Variants in ANO4 observed in about 807,000 individuals in gnomAD.
ANO4 encodes the protein anoctamin-4.
In ANO4, 69 loss-of-function variants were observed where a neutral mutation model predicts 141.9. The observed-to-expected ratio is 0.49, with a 90% CI of 0.40 to 0.59. The LOEUF is 0.59. Ranked by LOEUF, ANO4 falls within the 20% of genes least tolerant of loss-of-function variation. The pLI, the probability that ANO4 is intolerant of heterozygous loss-of-function variation, is 0.00. For synonymous variants in ANO4, 350 were observed against 394.3 expected (o/e 0.89, Z 1.33); for missense variants, 894 against 1,162.2 (o/e 0.77, Z 3.36).
chr12:100,977,035 A>G (rs11110610), intron 7 of ANO4, among the ~76,000 whole-genome samples: 70,147 of 151,920 alleles, frequency 0.46, 16,799 homozygotes, highest in East Asian at 0.64. Context: ...CTCTGAGCCT[A>G]AGTTTTTCAC....
chr12:100,927,293 T>C (rs1233577645), intron 3 of ANO4, among the ~76,000 whole-genome samples: 3 of 152,078 alleles, frequency 2.0e-5, no homozygotes, highest in African/African-American at 7.2e-5. Context: ...AACTTGCAGA[T>C]AGATTTAGTT....
chr12:101,003,964 C>T (rs1043778428), intron 8 of ANO4, among the ~76,000 whole-genome samples: 3 of 151,892 alleles, frequency 2.0e-5, no homozygotes, highest in African/African-American at 7.3e-5. Flanking sequence ...TATCTTTATA[C>T]TTGGGTGATA....
chr12:100,866,457 C>T (rs2038758590), intron 1 of ANO4, among the ~76,000 whole-genome samples: 1 of 152,140 alleles, frequency 6.6e-6, no homozygotes, highest in Non-Finnish European at 1.5e-5. Flanking sequence ...ATCTCAGTGC[C>T]ACCCCTGCCC....
intron 9 of ANO4, among the ~76,000 whole-genome samples, chr12:101,023,308 G>C (rs2046606172): frequency 1.3e-5 from 2 of 152,238 alleles, no homozygotes; most frequent in South Asian, 4.1e-4. Context: ...AGTCAGAAAG[G>C]GTCTTTATAA....
At chr12:100,900,430 T>A (rs1397019845) in intron 1 of ANO4, among the ~76,000 whole-genome samples, 2 of 151,980 alleles carry the variant, frequency 1.3e-5, no homozygotes, top group African/African-American at 4.8e-5. Context: ...ATTAGGTATC[T>A]CCTAATGCTA....
rs1160577836 is a variant in ANO4, at chr12:101,127,050, C to T, written c.2848C>T (p.His950Tyr). The T allele has an allele frequency of 4.3e-6, 7 of 1,613,564 alleles. No individual in the cohort carries two copies. The East Asian group carries it at 1.6e-4, about 36-fold the overall frequency. The change falls in exon 27 of 28, where the codon CAC becomes TAC. Residue 950 changes from histidine (H) to tyrosine (Y), a missense_variant. Coordinates refer to ENST00000392977, the MANE Select transcript of ANO4 (RefSeq NM_001286615.2). ...RKERKKNGKA[H>Y]HNEWP ...GGAGAGGAAGAAGAATGGAAAAGCA[C>T]ACCACAACGAGTGGCCGTGACCATG...
chr12:100,877,331 A>G (rs906197899), intron 1 of ANO4, among the ~76,000 whole-genome samples: 2 of 151,558 alleles, frequency 1.3e-5, no homozygotes, highest in Non-Finnish European at 2.9e-5. Context: ...AATTAGCTTG[A>G]TTTAATCATT....
intron 1 of ANO4, among the ~76,000 whole-genome samples, chr12:100,814,538 A>G (rs962483433): frequency 1.3e-5 from 2 of 152,080 alleles, no homozygotes; most frequent in African/African-American, 4.8e-5. Context: ...TTAAAAAACC[A>G]CTCTGATGTT....
chr12:100,986,604 T>C (rs2044720145), intron 7 of ANO4, among the ~76,000 whole-genome samples: 1 of 152,214 alleles, frequency 6.6e-6, no homozygotes, highest in Admixed American at 6.5e-5. Context: ...CATTGCCATG[T>C]AAATATATTG....
intron 1 of ANO4, among the ~76,000 whole-genome samples, chr12:100,817,617 G>T (rs1210637293): frequency 6.6e-6 from 1 of 151,902 alleles, no homozygotes; most frequent in Non-Finnish European, 1.5e-5. Flanking sequence ...TTGTTCAGTT[G>T]TTGGATTCCA....
At position 100,765,690 on chromosome 12, in the gene ANO4, C is replaced by CAA. The variant is rs749550498; in HGVS notation, c.358+25598_358+25599dup. Among the ~76,000 whole-genome samples the CAA allele has an allele frequency of 7.1e-3, 852 of 119,874 alleles. 8 individuals carry two copies. Among genetic ancestry groups the CAA allele is most frequent in the African/African-American group, 0.023 (795 of 35,016 alleles). The allele number at this position is 119,874 out of a possible 152,430, so 78.6% of individuals were successfully genotyped here. On this transcript the variant is annotated intron_variant, in intron 3 of 29. Coordinates refer to the ANO4 transcript ENST00000644049. ...CACGCCTGGCCTTTGTTTATGTTTTCAAAAAAAAAAAAAAGAGTTCTTAGA... is the reference window on the plus strand; with the variant it reads ...CACGCCTGGCCTTTGTTTATGTTTTCAAAAAAAAAAAAAAAAGAGTTCTTAGA...
chr12:100,980,271 C>A (rs576757030), intron 7 of ANO4, among the ~76,000 whole-genome samples: 1 of 152,328 alleles, frequency 6.6e-6, no homozygotes, highest in South Asian at 2.1e-4. Context: ...AGAATTAAGT[C>A]TTTGATATCA....
chr12:101,070,665 G>C (rs1478870362), intron 14 of ANO4, among the ~76,000 whole-genome samples: 1 of 152,050 alleles, frequency 6.6e-6, no homozygotes, highest in African/African-American at 2.4e-5. Flanking sequence ...ATGGACAAAT[G>C]GGATCACGTC....
intron 24 of ANO4, among the ~76,000 whole-genome samples, chr12:101,113,540 A>G (rs2050741470): frequency 1.3e-5 from 2 of 152,000 alleles, no homozygotes; most frequent in Non-Finnish European, 2.9e-5. Flanking sequence ...TTGTTTTCTA[A>G]TCCATTAGTC....
chr12:100,816,102 A>G (rs1255143477), intron 1 of ANO4, among the ~76,000 whole-genome samples: 1 of 152,124 alleles, frequency 6.6e-6, no homozygotes, highest in African/African-American at 2.4e-5. Context: ...TTTAAAATAT[A>G]TAACTATCGT....
chr12:100,854,237 G>C (rs973553370), intron 1 of ANO4, among the ~76,000 whole-genome samples: 1 of 152,056 alleles, frequency 6.6e-6, no homozygotes, highest in East Asian at 1.9e-4. Flanking sequence ...ATCGCTTTCT[G>C]TCATCTTCTG....
chr12:100,990,628 C>T (rs775706454), intron 8 of ANO4, among the ~76,000 whole-genome samples: 14 of 152,098 alleles, frequency 9.2e-5, no homozygotes, highest in Non-Finnish European at 1.9e-4. Flanking sequence ...ATAAACAATA[C>T]TCAGTTTGGA....
At chr12:100,975,014 A>G in intron 7 of ANO4, 125 bp downstream of exon 7, 2 of 1,110,212 alleles carry the variant, frequency 1.8e-6, no homozygotes, top group Non-Finnish European at 2.7e-6. Flanking sequence ...GCTGCCATGC[A>G]CATTTTAAAA....
At chr12:100,905,787 G>T (rs533640999) in intron 2 of ANO4, among the ~76,000 whole-genome samples, 1 of 152,320 alleles carries the variant, frequency 6.6e-6, no homozygotes, top group South Asian at 2.1e-4. Context: ...AGAGAGGGGA[G>T]AATTTGTGAT....
Sources: gnomAD v4.1 joint callset for allele counts (sites outside exome capture counted in the v4.1 genomes callset) on GRCh38, gnomAD v4.1.1 for gene constraint, MANE v1.5 for transcripts, NCBI Gene and HGNC (gene_info 2026-07-23, HGNC 2026-07-21) for gene names.